Variants in PLN observed in about 807,000 individuals in gnomAD.
The protein encoded by PLN is phospholamban.
In PLN, 1 loss-of-function variant was observed where a neutral mutation model predicts 3.9. That is an observed-to-expected ratio of 0.26 (90% CI 0.09 to 1.23). The LOEUF is 1.23. Among genes scored for constraint, PLN ranks in the 50% most tolerant of loss-of-function variants. The pLI is 0.48. For missense variants in PLN, 59 were observed against 62.7 expected (o/e 0.94, Z 0.20); for synonymous variants, 21 against 20.5 (o/e 1.02, Z -0.07).
intron 1 of PLN, among the ~76,000 whole-genome samples, chr6:118,557,633 T>C (rs1415739338): frequency 6.6e-6 from 1 of 152,052 alleles, no homozygotes; most frequent in Non-Finnish European, 1.5e-5. Context: ...CCAAGGTGGG[T>C]TCCTCCCTCC....
rs1199286056 is a variant in PLN at position 118,560,803 on chromosome 6, G to A, written c.*1723G>A. The A allele has an allele frequency of 4.5e-5, 7 of 154,938 alleles. No individual in the cohort carries two copies. The highest frequency in any genetic ancestry group is 3.9e-4 in the Admixed American group (6 of 15,258). 9.6% of individuals were successfully genotyped at this position (154,938 alleles called of 1,614,324 possible). ...AACAACTGAAGTAAAATTGAGTGCT[G>A]GAAAATATATTCACCAAACTTTGGT... On this transcript the variant is annotated 3_prime_UTR_variant, in exon 2 of 2. Transcript: ENST00000357525.
chr6:118,553,298 A>AATTATAATG (rs1778662150), intron 1 of PLN, among the ~76,000 whole-genome samples: 1 of 151,876 alleles, frequency 6.6e-6, no homozygotes. Flanking sequence ...CCATGCCATA[A>AATTATAATG]ATTATAATGT....
intron 1 of PLN, among the ~76,000 whole-genome samples, chr6:118,553,898 C>A (rs1778692627): frequency 6.6e-6 from 1 of 152,122 alleles, no homozygotes; most frequent in African/African-American, 2.4e-5. Context: ...ATTTTTCTCA[C>A]CTGTGATAGA....
intron 1 of PLN, among the ~76,000 whole-genome samples, chr6:118,552,140 T>C (rs372273136): frequency 6.6e-6 from 1 of 152,120 alleles, no homozygotes. Context: ...GCCTTAGATA[T>C]TACTTGAATT....
In PLN at chr6:118,560,114, T is replaced by C. The variant is rs1034772592; in HGVS notation, c.*1034T>C. ...AAAATATATGAATTCTCTCTCCAAA[T>C]ATTAACTAATTATTAGATTATATTT... On this transcript the variant is annotated 3_prime_UTR_variant, in exon 2 of 2. Coordinates refer to ENST00000357525, the MANE Select transcript of PLN (RefSeq NM_002667.5). 2 of 167,040 alleles carry C rather than the reference T, an allele frequency of 1.2e-5. No homozygotes were observed. The highest frequency in any genetic ancestry group is 4.8e-5 in the African/African-American group (2 of 41,428). The allele number at this position is 167,040 out of a possible 1,614,324, so 10.3% of individuals were successfully genotyped here. A position where few individuals can be genotyped will look rare whatever the true frequency, so the allele number is the denominator to read the frequency against.
intron 1 of PLN, among the ~76,000 whole-genome samples, chr6:118,549,469 A>G (rs1778408955): frequency 1.3e-5 from 2 of 151,778 alleles, no homozygotes; most frequent in South Asian, 4.1e-4. Context: ...TTTGATTTTC[A>G]TATTTCATAT....
At chr6:118,549,558 A>T (rs1221554151) in intron 1 of PLN, among the ~76,000 whole-genome samples, 1 of 151,804 alleles carries the variant, frequency 6.6e-6, no homozygotes, top group Non-Finnish European at 1.5e-5. Flanking sequence ...TACAAATAAG[A>T]ACTTTGTAAC....
At position 118,549,038 on chromosome 6, in the gene PLN, A is replaced by G. The variant is rs556622248; in HGVS notation, c.-98+646A>G. Among the ~76,000 whole-genome samples the G allele has an allele frequency of 3.9e-5, 6 of 152,130 alleles. No homozygotes were observed. In the East Asian group the frequency reaches 5.8e-4, roughly 15 times the overall value. ...TTCCATGCTATTAATAAATTGAGTT[A>G]CTGATATTAAATTCAATATTGTATC... On this transcript the variant is annotated intron_variant, in intron 1 of 1. Transcript: ENST00000357525.
chr6:118,551,424 C>T (rs1778537706), intron 1 of PLN, among the ~76,000 whole-genome samples: 1 of 152,000 alleles, frequency 6.6e-6, no homozygotes, highest in East Asian at 1.9e-4. Context: ...CTCAATACTA[C>T]CTCCCCATAT....
At chr6:118,551,371 G>A (rs1778533796) in intron 1 of PLN, among the ~76,000 whole-genome samples, 1 of 138,176 alleles carries the variant, frequency 7.2e-6, no homozygotes, top group Non-Finnish European at 1.6e-5. Context: ...TTAATAGGGG[G>A]TATATTTATT....
At chr6:118,553,957 G>C (rs1428267218) in intron 1 of PLN, among the ~76,000 whole-genome samples, 1 of 152,128 alleles carries the variant, frequency 6.6e-6, no homozygotes, top group African/African-American at 2.4e-5. Flanking sequence ...CTAACAAATT[G>C]TTATTAGAAC....
At chr6:118,549,222 C>T (rs931812056) in intron 1 of PLN, among the ~76,000 whole-genome samples, 2 of 151,736 alleles carry the variant, frequency 1.3e-5, no homozygotes, top group Admixed American at 6.6e-5. Context: ...CCTATTAATG[C>T]CTATAGTTTT....
At chr6:118,556,186 G>A (rs901737635) in intron 1 of PLN, among the ~76,000 whole-genome samples, 7 of 152,164 alleles carry the variant, frequency 4.6e-5, no homozygotes, top group African/African-American at 7.2e-5. Flanking sequence ...TTGTTGGGTC[G>A]AATGGTAGTT....
chr6:118,551,769 C>T (rs1025780828), intron 1 of PLN, among the ~76,000 whole-genome samples: 1 of 151,964 alleles, frequency 6.6e-6, no homozygotes, highest in Non-Finnish European at 1.5e-5. Flanking sequence ...TTCTTTCAAA[C>T]AGCCAGTCTG....
chr6:118,557,465 T>C (rs1338744837), intron 1 of PLN, among the ~76,000 whole-genome samples: 2 of 152,224 alleles, frequency 1.3e-5, no homozygotes, highest in East Asian at 3.9e-4. Flanking sequence ...AACATTTAAG[T>C]ATGTGTGGGG....
intron 1 of PLN, among the ~76,000 whole-genome samples, chr6:118,552,489 C>T (rs1778607008): frequency 6.6e-6 from 1 of 151,998 alleles, no homozygotes; most frequent in African/African-American, 2.4e-5. Flanking sequence ...TAAAACAGGA[C>T]TCACTGCAGA....
intron 1 of PLN, among the ~76,000 whole-genome samples, chr6:118,556,883 G>A (rs1442015666): frequency 6.6e-6 from 1 of 152,026 alleles, no homozygotes; most frequent in African/African-American, 2.4e-5. Context: ...TTAATTTTCA[G>A]TCTATATATA....
At chr6:118,555,345 G>A (rs535211444) in intron 1 of PLN, among the ~76,000 whole-genome samples, 164 of 150,320 alleles carry the variant, frequency 1.1e-3, no homozygotes, top group African/African-American at 3.7e-3. Context: ...GGAGAATGGC[G>A]TGAACCCGGG....
At chr6:118,550,184 C>T (rs1778459749) in intron 1 of PLN, among the ~76,000 whole-genome samples, 1 of 151,792 alleles carries the variant, frequency 6.6e-6, no homozygotes, top group South Asian at 2.1e-4. Flanking sequence ...TCCTAAAACT[C>T]AAATATCAAA....
Sources: gnomAD v4.1 joint callset for allele counts (sites outside exome capture counted in the v4.1 genomes callset) on GRCh38, gnomAD v4.1.1 for gene constraint, MANE v1.5 for transcripts, NCBI Gene and HGNC (gene_info 2026-07-23, HGNC 2026-07-21) for gene names.